MAPK8: variants seen among roughly 807,000 people sequenced by gnomAD.
MAPK8 encodes the protein JUN N-terminal kinase.
In MAPK8, 13 loss-of-function variants were observed where a neutral mutation model predicts 52.9. The observed-to-expected ratio is 0.25, with a 90% CI of 0.16 to 0.39. The LOEUF (loss-of-function observed/expected upper bound fraction) is 0.39. Ranked by LOEUF, MAPK8 falls within the 10% of genes least tolerant of loss-of-function variation. The pLI, the probability that MAPK8 is intolerant of heterozygous loss-of-function variation, is 1.00. For missense variants in MAPK8, 300 were observed against 519.2 expected, an observed-to-expected ratio of 0.58 and a Z score of 4.10; for synonymous variants, 191 against 169.8, an observed-to-expected ratio of 1.12 and a Z score of -0.97.
intron 10 of MAPK8, chr10:48,430,109 G>A (rs1355634636): frequency 6.6e-6 from 1 of 152,120 alleles, no homozygotes; most frequent in African/African-American, 2.4e-5. Context: ...TTTTTTTGTT[G>A]TTGAGATGGA....
chr10:48,350,891 C>T (rs1392732063), intron 1 of MAPK8, among the ~76,000 whole-genome samples: 2 of 152,186 alleles, frequency 1.3e-5, no homozygotes, highest in Non-Finnish European at 2.9e-5. Context: ...CCAAAATCTC[C>T]TTAAGCTGAT....
At chr10:48,385,652 T>C (rs943689578) in intron 1 of MAPK8, among the ~76,000 whole-genome samples, 21 of 152,164 alleles carry the variant, frequency 1.4e-4, no homozygotes, top group Non-Finnish European at 2.9e-4. Context: ...CCTTATCCAG[T>C]GAAGGACAAC....
At chr10:48,320,601 A>G (rs745634960) in intron 1 of MAPK8, among the ~76,000 whole-genome samples, 1 of 152,168 alleles carries the variant, frequency 6.6e-6, no homozygotes, top group Non-Finnish European at 1.5e-5. Context: ...TTATTTACCT[A>G]CACTTCATTT....
intron 7 of MAPK8, chr10:48,424,649 T>G: frequency 9.2e-7 from 1 of 1,083,724 alleles, no homozygotes; most frequent in East Asian, 2.5e-5. Context: ...GCACTTCAGT[T>G]TGGTCAGGTA....
chr10:48,386,832 A>G (rs1237322427), intron 1 of MAPK8, among the ~76,000 whole-genome samples: 1 of 152,210 alleles, frequency 6.6e-6, no homozygotes. Context: ...AGCCAGAAAC[A>G]TGTACTTACT....
chr10:48,413,833 A>C, intron 5 of MAPK8, among the ~76,000 whole-genome samples: 1 of 103,188 alleles, frequency 9.7e-6, no homozygotes, highest in Admixed American at 1.4e-4. Flanking sequence ...ATATATATAT[A>C]TATATATATA....
At chr10:48,386,781 A>C (rs1377550219) in intron 1 of MAPK8, among the ~76,000 whole-genome samples, 1 of 152,218 alleles carries the variant, frequency 6.6e-6, no homozygotes, top group Non-Finnish European at 1.5e-5. Flanking sequence ...TGGGCCATAT[A>C]GCAAGACCTC....
intron 1 of MAPK8, among the ~76,000 whole-genome samples, chr10:48,354,164 AT>A (rs917494523): frequency 2.6e-5 from 4 of 152,052 alleles, no homozygotes; most frequent in African/African-American, 9.7e-5. Context: ...TTAAAAAAAA[AT>A]TTTTTTAAAT....
chr10:48,331,978 G>C (rs1039090424), intron 1 of MAPK8, among the ~76,000 whole-genome samples: 6 of 152,274 alleles, frequency 3.9e-5, no homozygotes, highest in African/African-American at 1.4e-4. Context: ...TCCAGAGGAA[G>C]GGGGATGCCA....
chr10:48,355,610 G>A (rs1846831922), intron 1 of MAPK8, among the ~76,000 whole-genome samples: 1 of 151,562 alleles, frequency 6.6e-6, no homozygotes, highest in Non-Finnish European at 1.5e-5. Context: ...AAGCATTCAA[G>A]AGAAACAGTT....
chr10:48,413,031 G>A (rs886196067), intron 5 of MAPK8, among the ~76,000 whole-genome samples: 3 of 151,958 alleles, frequency 2.0e-5, no homozygotes, highest in Admixed American at 6.6e-5. Context: ...TCATATAAGC[G>A]GAATCATGCA....
At chr10:48,420,823 C>T (rs1254938595) in intron 6 of MAPK8, among the ~76,000 whole-genome samples, 2 of 152,140 alleles carry the variant, frequency 1.3e-5, no homozygotes, top group Non-Finnish European at 2.9e-5. Flanking sequence ...AGTAAAGTTT[C>T]ATTAAAACGT....
intron 1 of MAPK8, among the ~76,000 whole-genome samples, chr10:48,395,038 A>G (rs1203952511): frequency 6.6e-6 from 1 of 151,966 alleles, no homozygotes; most frequent in African/African-American, 2.4e-5. Flanking sequence ...AACAAGTGTC[A>G]TGTCTGTGAA....
chr10:48,434,773 C>A (rs1330601143), intron 11 of MAPK8, 111 bp from the exon 12 acceptor site: 5 of 859,292 alleles, frequency 5.8e-6, no homozygotes, highest in African/African-American at 3.4e-5. Flanking sequence ...TTTTAGTGAG[C>A]CTTCGAAACC....
chr10:48,381,924 G>A (rs1159892824), intron 1 of MAPK8, among the ~76,000 whole-genome samples: 2 of 152,122 alleles, frequency 1.3e-5, no homozygotes, highest in Non-Finnish European at 2.9e-5. Context: ...TGGCACCCAA[G>A]TATGATTATG....
intron 1 of MAPK8, among the ~76,000 whole-genome samples, chr10:48,395,358 A>C (rs2041834782): frequency 6.6e-6 from 1 of 152,056 alleles, no homozygotes; most frequent in South Asian, 2.1e-4. Context: ...CCAGACACAT[A>C]TATTTATCTG....
intron 1 of MAPK8, among the ~76,000 whole-genome samples, chr10:48,360,427 A>AT (rs2081496130): frequency 6.6e-6 from 1 of 152,336 alleles, no homozygotes; most frequent in African/African-American, 2.4e-5. Flanking sequence ...GGCCCAGCAG[A>AT]TTAACTCGTA....
At chr10:48,375,409 G>T (rs1340996946) in intron 1 of MAPK8, among the ~76,000 whole-genome samples, 1 of 152,158 alleles carries the variant, frequency 6.6e-6, no homozygotes, top group Non-Finnish European at 1.5e-5. Flanking sequence ...GCAAGAGAAA[G>T]AAATAAAGGG....
intron 1 of MAPK8, among the ~76,000 whole-genome samples, chr10:48,355,883 C>T (rs1846871685): frequency 6.6e-6 from 1 of 152,138 alleles, no homozygotes. Flanking sequence ...GGGAGGAAGA[C>T]AGATTTACCG....
Sources: allele counts gnomAD v4.1 joint callset (sites outside exome capture counted in the v4.1 genomes callset), GRCh38; gene constraint gnomAD v4.1.1; transcripts MANE v1.5; gene names NCBI Gene and HGNC (gene_info 2026-07-23, HGNC 2026-07-21).